EDARADD: variants seen among roughly 807,000 people sequenced by gnomAD.
EDARADD encodes ectodysplasin-A receptor-associated adapter protein.
A neutral mutation model predicts 25.6 loss-of-function variants in EDARADD; 20 were observed. The observed-to-expected ratio is 0.78, with a 90% CI of 0.55 to 1.14. EDARADD has a LOEUF of 1.14. Among genes scored for constraint, EDARADD ranks in the 50% most tolerant of loss-of-function variants. The probability of loss-of-function intolerance (pLI) is 0.00; values close to 1 mark genes in which losing one functional copy is unlikely to be tolerated. For synonymous variants in EDARADD, 86 were observed against 94.4 expected (o/e 0.91, Z 0.52); for missense variants, 225 against 270.1 (o/e 0.83, Z 1.17).
At chr1:236,393,307 AATTTTTCACATGACT>A, upstream of EDARADD, among the ~76,000 whole-genome samples, 1 of 152,096 alleles carries the variant, frequency 6.6e-6, no homozygotes, top group Non-Finnish European at 1.5e-5. Flanking sequence ...GGAAATATGA[AATTTTTCACATGACT>A]CTGAGATTGA....
chr1:236,388,467 A>G (rs1005396865), intron 3 of EDARADD, among the ~76,000 whole-genome samples: 2 of 152,238 alleles, frequency 1.3e-5, no homozygotes, highest in African/African-American at 4.8e-5. Context: ...TAGATTAATT[A>G]AGGAATCATG....
At chr1:236,470,310 T>C (rs576282552) in intron 5 of EDARADD, among the ~76,000 whole-genome samples, 1 of 152,342 alleles carries the variant, frequency 6.6e-6, no homozygotes, top group East Asian at 1.9e-4. Flanking sequence ...ATTAATTTTT[T>C]CCATATGCTC....
intron 1 of EDARADD, among the ~76,000 whole-genome samples, chr1:236,408,606 G>A (rs944397558): frequency 1.3e-5 from 2 of 151,992 alleles, no homozygotes; most frequent in African/African-American, 2.4e-5. Flanking sequence ...GGCCAGGTGC[G>A]GTGTCTCATG....
At chr1:236,455,795 GTTC>G (rs143361619) in intron 4 of EDARADD, among the ~76,000 whole-genome samples, 34,010 of 151,762 alleles carry the variant, frequency 0.22, 4,304 homozygotes, top group African/African-American at 0.35. Flanking sequence ...GAAATCGCCT[GTTC>G]TTTTTTTTTG....
intron 4 of EDARADD, among the ~76,000 whole-genome samples, chr1:236,460,484 G>A (rs934219091): frequency 2.6e-5 from 4 of 151,836 alleles, no homozygotes; most frequent in African/African-American, 7.3e-5. Context: ...CCATTCCCTG[G>A]CCAAATACAT....
rs143989802 is a variant in EDARADD at position 236,402,776 on chromosome 1, G to C, written c.62-6440G>C. On this transcript the variant is annotated intron_variant, in intron 1 of 5. Transcript: ENST00000334232. ...CAGATTATGAAGCCAGAAAGTCCCA[G>C]ATACAAGTTCTGGCTTTTCCACTTA... Among the ~76,000 whole-genome samples the C allele has an allele frequency of 2.0e-5, 3 of 152,122 alleles. No homozygotes were observed. The East Asian group carries it at 5.8e-4, about 30-fold the overall frequency.
At chr1:236,392,254 A>T (rs966572748), upstream of EDARADD, among the ~76,000 whole-genome samples, 1 of 152,308 alleles carries the variant, frequency 6.6e-6, no homozygotes, top group East Asian at 1.9e-4. Context: ...CAATAAACTA[A>T]ATTCCAAGGA....
rs1659773393 is a variant in EDARADD at position 236,484,449 on chromosome 1, A to G, written c.*1800A>G. On this transcript the variant is annotated 3_prime_UTR_variant, in exon 6 of 6. Transcript: ENST00000334232. This position sits in a 1 kb window ranked among gnomAD's most constrained non-coding sequence, Gnocchi z 4.1. The stretch of plus-strand genomic sequence containing the variant: ...GGCTAAGTTTGCCGGCAGGAACTTC[A>G]GAAACCCCCCAGCCAAGTAAGCTGT... 1.2e-6 allele frequency: 2 copies of G among 1,609,398 alleles called. No homozygotes were observed. The highest frequency in any genetic ancestry group is 1.3e-5 in the African/African-American group (1 of 74,980).
intron 2 of EDARADD, among the ~76,000 whole-genome samples, chr1:236,410,797 C>T (rs1335801960): frequency 1.3e-5 from 2 of 152,190 alleles, no homozygotes; most frequent in Admixed American, 6.5e-5. Context: ...AGGTGTCTTG[C>T]GGACCTGAGG....
intron 1 of EDARADD, among the ~76,000 whole-genome samples, chr1:236,405,832 T>TCCTTCCTTCCTC (rs1667713263): frequency 3.2e-5 from 1 of 31,274 alleles, no homozygotes; most frequent in Non-Finnish European, 6.3e-5. Context: ...TTTCCTTCCT[T>TCCTTCCTTCCTC]CCTTCCTTCC....
intron 4 of EDARADD, among the ~76,000 whole-genome samples, chr1:236,448,995 G>A (rs1658637785): frequency 6.6e-6 from 1 of 152,196 alleles, no homozygotes; most frequent in Non-Finnish European, 1.5e-5. Context: ...CAGTTCTGGA[G>A]GCTGGAAGTC....
chr1:236,438,391 G>T (rs1453848536), intron 4 of EDARADD, among the ~76,000 whole-genome samples: 2 of 152,090 alleles, frequency 1.3e-5, no homozygotes, highest in African/African-American at 4.8e-5. Context: ...AAGATGATTT[G>T]GTGTCTGGCA....
At chr1:236,410,256 C>T (rs13373837) in intron 2 of EDARADD, among the ~76,000 whole-genome samples, 5 of 152,050 alleles carry the variant, frequency 3.3e-5, no homozygotes, top group African/African-American at 1.2e-4. Flanking sequence ...CACCCTCCCC[C>T]CTTTTGGAGT....
intron 3 of EDARADD, among the ~76,000 whole-genome samples, chr1:236,418,685 A>G (rs565634988): frequency 6.6e-6 from 1 of 152,372 alleles, no homozygotes; most frequent in South Asian, 2.1e-4. Flanking sequence ...AGAGAAAACA[A>G]ACAAGTACTA....
rs538007805 is a variant in EDARADD, at chr1:236,481,884, C to T, written c.266-383C>T. On this transcript the variant is annotated intron_variant, in intron 5 of 5. Transcript: ENST00000334232. ...ATCGCAGCACTTTGGGAGGCCGAGG[C>T]GGGTGGATCACAAGGTCAGGAGATC... Among the ~76,000 whole-genome samples the T allele has an allele frequency of 1.3e-4, 20 of 151,502 alleles. No homozygotes were observed. The East Asian group carries it at 3.1e-3, about 24-fold the overall frequency.
At chr1:236,370,738 C>T (rs1667164192) in intron 3 of EDARADD, among the ~76,000 whole-genome samples, 2 of 152,128 alleles carry the variant, frequency 1.3e-5, no homozygotes, top group African/African-American at 4.8e-5. Context: ...GGAAAAATAT[C>T]CCAAGCACAC....
At chr1:236,374,923 C>A (rs1006811596) in intron 3 of EDARADD, among the ~76,000 whole-genome samples, 5 of 92,216 alleles carry the variant, frequency 5.4e-5, no homozygotes, top group African/African-American at 2.1e-4. Context: ...TAATTGGTAT[C>A]TACCATATTT....
At chr1:236,375,404 C>T (rs1006878589) in intron 3 of EDARADD, among the ~76,000 whole-genome samples, 8 of 151,944 alleles carry the variant, frequency 5.3e-5, no homozygotes, top group Admixed American at 2.6e-4. Context: ...GCCTGTAATC[C>T]CAGCACTTTG....
intron 3 of EDARADD, among the ~76,000 whole-genome samples, chr1:236,422,836 G>T (rs899708772): frequency 6.6e-6 from 1 of 152,200 alleles, no homozygotes; most frequent in Non-Finnish European, 1.5e-5. Flanking sequence ...TATCAAGGAG[G>T]CCTTGGTAAC....
Sources: gnomAD v4.1 joint callset for allele counts (sites outside exome capture counted in the v4.1 genomes callset) on GRCh38, gnomAD v4.1.1 for gene constraint, Gnocchi (gnomAD v3.1) non-coding constraint, MANE v1.5 for transcripts, NCBI Gene and HGNC (gene_info 2026-07-23, HGNC 2026-07-21) for gene names.